CYRIB: variants seen among roughly 807,000 people sequenced by gnomAD.
CYRIB encodes the protein CYFIP related Rac1 interactor B.
A neutral mutation model predicts 44.2 loss-of-function variants in CYRIB; 8 were observed. The observed-to-expected ratio is 0.18, with a 90% CI of 0.11 to 0.33. The LOEUF (loss-of-function observed/expected upper bound fraction) is 0.33. CYRIB is among the 10% of genes least tolerant of loss of function. The probability of loss-of-function intolerance (pLI) is 1.00; values close to 1 mark genes in which losing one functional copy is unlikely to be tolerated. For missense variants in CYRIB, 185 were observed against 382.8 expected (o/e 0.48, Z 4.31); for synonymous variants, 131 against 127.2 (o/e 1.03, Z -0.20).
intron 1 of CYRIB, among the ~76,000 whole-genome samples, chr8:129,975,336 C>T (rs1040671262): frequency 1.3e-5 from 2 of 152,158 alleles, no homozygotes; most frequent in African/African-American, 4.8e-5. Context: ...TTAAGGAAGA[C>T]ATTTCTACCC....
In CYRIB at chr8:129,986,125, T is replaced by C. The variant is rs181042080; in HGVS notation, c.-295-15130A>G. Among the ~76,000 whole-genome samples the C allele has an allele frequency of 4.5e-3, 684 of 152,314 alleles. 5 individuals are homozygous for C. Among genetic ancestry groups the C allele is most frequent in the African/African-American group, 0.016 (659 of 41,564 alleles). ...TGCGATCTGTGCCCGAGGTTAAATA[T>C]TCTGGCCATCACCCCTGAGCACTGG... On this transcript the variant is annotated intron_variant, in intron 1 of 14. Coordinates refer to the CYRIB transcript ENST00000401979.
chr8:129,914,052 G>C (rs879686283), intron 1 of CYRIB, among the ~76,000 whole-genome samples: 2 of 152,080 alleles, frequency 1.3e-5, no homozygotes, highest in Non-Finnish European at 2.9e-5. Context: ...TGAGTCACTA[G>C]TCACTGCATA....
rs545654251 is a variant in CYRIB at position 129,860,726 on chromosome 8, G to C, written c.301+1503C>G. On this transcript the variant is annotated intron_variant, in intron 5 of 11. Coordinates refer to ENST00000519824, the Ensembl canonical transcript of CYRIB. Reference sequence around the variant, plus strand: ...CAAATAGCAAATATAAATATAGTAAGATATTAAAAAACATGAAGCAATAAA... The same window carrying C: ...CAAATAGCAAATATAAATATAGTAACATATTAAAAAACATGAAGCAATAAA... Among the ~76,000 whole-genome samples the C allele has an allele frequency of 1.1e-4, 16 of 152,024 alleles. No individual in the cohort carries two copies. The South Asian group carries it at 2.9e-3, about 28-fold the overall frequency.
chr8:129,961,729 A>G (rs2131752821), intron 2 of CYRIB, among the ~76,000 whole-genome samples: 1 of 152,338 alleles, frequency 6.6e-6, no homozygotes, highest in Non-Finnish European at 1.5e-5. Context: ...AATATTGATG[A>G]AATCAAGATC....
chr8:129,984,727 G>C (rs2096385096), intron 1 of CYRIB, among the ~76,000 whole-genome samples: 1 of 152,100 alleles, frequency 6.6e-6, no homozygotes, highest in Middle Eastern at 3.2e-3. Context: ...ATAGTCCTGG[G>C]TCCTCTAGGA....
intron 2 of CYRIB, among the ~76,000 whole-genome samples, chr8:129,964,798 C>G (rs375473435): frequency 1.3e-5 from 2 of 152,072 alleles, no homozygotes; most frequent in African/African-American, 4.8e-5. Context: ...CCTGGGAGGT[C>G]GAGGCTGCAG....
At chr8:129,911,464 T>C (rs1455258094) in intron 1 of CYRIB, among the ~76,000 whole-genome samples, 1 of 152,164 alleles carries the variant, frequency 6.6e-6, no homozygotes, top group Non-Finnish European at 1.5e-5. Context: ...ATACTACTTT[T>C]CCACTAACTT....
chr8:129,890,005 C>T (rs2064484321), intron 2 of CYRIB, among the ~76,000 whole-genome samples: 2 of 152,054 alleles, frequency 1.3e-5, no homozygotes, highest in African/African-American at 4.8e-5. Flanking sequence ...AACTCCTGAG[C>T]TCAGGCAATC....
chr8:129,984,145 AT>A (rs1564614971), intron 1 of CYRIB, among the ~76,000 whole-genome samples: 1 of 152,186 alleles, frequency 6.6e-6, no homozygotes. Flanking sequence ...GAGAAGCACT[AT>A]TTAGGGCTGT....
Position 129,871,515 on chromosome 8 carries a change from C to G in CYRIB, c.74-19G>C, listed in dbSNP as rs1266171161. On this transcript the variant is annotated intron_variant, in intron 3 of 11. Coordinates refer to ENST00000519824, the Ensembl canonical transcript of CYRIB. ...TGGGCATCTAAACAGCAGGAAAGCA[C>G]AAGAAAATTTACAGTGACATGAATT... 1.2e-6 allele frequency: 2 copies of G among 1,601,316 alleles called. No homozygotes were observed. Among genetic ancestry groups the G allele is most frequent in the Non-Finnish European group, 1.7e-6 (2 of 1,176,234 alleles).
chr8:129,939,404 G>A (rs2093403597), intron 1 of CYRIB, among the ~76,000 whole-genome samples: 2 of 151,872 alleles, frequency 1.3e-5, no homozygotes, highest in South Asian at 4.1e-4. Context: ...TGAGCGCCGG[G>A]GGCAGGCCGG....
chr8:129,895,026 C>T (rs924871346), intron 2 of CYRIB, among the ~76,000 whole-genome samples: 4 of 149,584 alleles, frequency 2.7e-5, no homozygotes, highest in African/African-American at 4.9e-5. Context: ...CGACCTCAAC[C>T]ACCCTGGCTC....
rs114602465 is a variant in CYRIB at position 129,846,790 on chromosome 8, G to A, written c.911+14C>T. The A allele has an allele frequency of 3.8e-4, 604 of 1,573,056 alleles. 6 individuals carry two copies. The African/African-American group carries it at 7.4e-3, about 19-fold the overall frequency. ...AGATTTTTTCTGTACATACGTACACGTACATATACACACCTGAGAGCATTT... is the reference window on the plus strand; with the variant it reads ...AGATTTTTTCTGTACATACGTACACATACATATACACACCTGAGAGCATTT... On this transcript the variant is annotated intron_variant, in intron 11 of 11. Transcript: ENST00000519824.
intron 1 of CYRIB, among the ~76,000 whole-genome samples, chr8:129,982,039 G>T (rs1279943522): frequency 6.6e-6 from 1 of 152,226 alleles, no homozygotes; most frequent in Non-Finnish European, 1.5e-5. Context: ...ACTGTGTGTA[G>T]TGAACAGGGG....
intron 3 of CYRIB, 109 bp from the exon 6 acceptor site, chr8:129,871,605 AGTTAAT>A (rs2133281054): frequency 9.2e-7 from 1 of 1,089,298 alleles, no homozygotes; most frequent in South Asian, 1.6e-5. Flanking sequence ...AGTTAATTCT[AGTTAAT>A]GTTAACTTTG....
At chr8:130,011,051 G>T (rs906209730) in intron 1 of CYRIB, among the ~76,000 whole-genome samples, 2 of 151,958 alleles carry the variant, frequency 1.3e-5, no homozygotes, top group Admixed American at 6.6e-5. Flanking sequence ...GCCTTAGCAG[G>T]TCTCACTAAA....
chr8:129,914,069 A>G (rs2079469505), intron 1 of CYRIB, among the ~76,000 whole-genome samples: 1 of 152,200 alleles, frequency 6.6e-6, no homozygotes, highest in African/African-American at 2.4e-5. Flanking sequence ...CATACCTGTT[A>G]TTCACTAAAT....
chr8:129,878,246 T>C (rs938199512), intron 3 of CYRIB, among the ~76,000 whole-genome samples: 1 of 152,054 alleles, frequency 6.6e-6, no homozygotes, highest in East Asian at 1.9e-4. Flanking sequence ...TTTATAGAAA[T>C]GGAATAAAAG....
chr8:129,985,004 C>A (rs1159148027), intron 1 of CYRIB, among the ~76,000 whole-genome samples: 1 of 152,132 alleles, frequency 6.6e-6, no homozygotes, highest in African/African-American at 2.4e-5. Flanking sequence ...CTCCTGACCT[C>A]AGGTGATCGC....
Sources: gnomAD v4.1 joint callset for allele counts (sites outside exome capture counted in the v4.1 genomes callset) on GRCh38, gnomAD v4.1.1 for gene constraint, MANE v1.5 for transcripts, NCBI Gene and HGNC (gene_info 2026-07-23, HGNC 2026-07-21) for gene names.